CBL: variants seen among roughly 807,000 people sequenced by gnomAD.
CBL encodes the protein Cbl proto-oncogene, also known as E3 ubiquitin-protein ligase CBL.
A neutral mutation model predicts 96.9 loss-of-function variants in CBL; 45 were observed. The observed-to-expected ratio is 0.46, with a 90% CI of 0.37 to 0.60. CBL has a LOEUF of 0.60. Ranked by LOEUF, CBL falls within the 20% of genes least tolerant of loss-of-function variation. The pLI is 0.00. For missense variants in CBL, 1,024 were observed against 1,143.5 expected (o/e 0.90, Z 1.51); for synonymous variants, 420 against 426.8 (o/e 0.98, Z 0.20).
In CBL at chr11:119,306,513, C is replaced by A. The variant is rs140028176; in HGVS notation, c.*6732C>A. The A allele has an allele frequency of 1.4e-3, 573 of 397,044 alleles. 2 individuals carry two copies. Among genetic ancestry groups the A allele is most frequent in the Admixed American group, 3.0e-3 (68 of 22,672 alleles). The allele number at this position is 397,044 out of a possible 1,614,324, so 24.6% of individuals were successfully genotyped here. The stretch of plus-strand genomic sequence containing the variant: ...CAACTCCTCAGGCCTTGTGCCACCT[C>A]CATGCTGAGCCCTGAAGCAGGGTGT... On this transcript the variant is annotated 3_prime_UTR_variant, in exon 16 of 16. Transcript: ENST00000264033.
rs1950095189 is a variant in CBL at position 119,300,604 on chromosome 11, A to G, written c.*823A>G. The G allele has an allele frequency of 2.5e-6, 1 of 398,972 alleles. No homozygotes were observed. Among genetic ancestry groups the G allele is most frequent in the Non-Finnish European group, 4.4e-6 (1 of 226,088 alleles). The allele number at this position is 398,972 out of a possible 1,614,324, so 24.7% of individuals were successfully genotyped here. A position where few individuals can be genotyped will look rare whatever the true frequency, so the allele number is the denominator to read the frequency against. On this transcript the variant is annotated 3_prime_UTR_variant, in exon 16 of 16. Transcript: ENST00000264033. Reference sequence around the variant, plus strand: ...CTAGCAGCTAACACTGGTCACTCCAAAGCACTGTTTCTATAGGAACATTGA... The same window carrying G: ...CTAGCAGCTAACACTGGTCACTCCAGAGCACTGTTTCTATAGGAACATTGA...
At chr11:119,226,539 C>G (rs59748250) in intron 1 of CBL, among the ~76,000 whole-genome samples, 2,296 of 151,920 alleles carry the variant, frequency 0.015, 50 homozygotes, top group African/African-American at 0.052. Flanking sequence ...CTCACTGCAA[C>G]CTCCTCCTTC....
At chr11:119,226,397 T>G (rs1032834452) in intron 1 of CBL, among the ~76,000 whole-genome samples, 1 of 152,158 alleles carries the variant, frequency 6.6e-6, no homozygotes, top group Non-Finnish European at 1.5e-5. Context: ...TTTATGCAAA[T>G]TTTATTATGA....
Position 119,212,967 on chromosome 11 carries a change from C to T in CBL, c.195+6355C>T, listed in dbSNP as rs536572084. On this transcript the variant is annotated intron_variant, in intron 1 of 15. Transcript: ENST00000264033. Reference sequence around the variant, plus strand: ...CAGCCTGGGTGACAGAGCAAAACTCCGTCTCAAAAAAAAAGAAAAAAAAAA... The same window carrying T: ...CAGCCTGGGTGACAGAGCAAAACTCTGTCTCAAAAAAAAAGAAAAAAAAAA... Among the ~76,000 whole-genome samples, 82 of 118,916 alleles carry T rather than the reference C, an allele frequency of 6.9e-4. 1 individual carries two copies. The highest frequency in any genetic ancestry group is 3.0e-3 in the African/African-American group (79 of 26,510). 78.0% of individuals were successfully genotyped at this position (118,916 alleles called of 152,430 possible).
chr11:119,248,155 C>G (rs1342534564), intron 2 of CBL, among the ~76,000 whole-genome samples: 1 of 152,118 alleles, frequency 6.6e-6, no homozygotes, highest in Admixed American at 6.6e-5. Flanking sequence ...CTTAAGGGAC[C>G]TCAAATAGCC....
rs980388840 is a variant in CBL, at chr11:119,285,481, C to T, written c.1856C>T (p.Ser619Leu). The T allele has an allele frequency of 6.2e-7, 1 of 1,614,192 alleles. No individual in the cohort carries two copies. The highest frequency in any genetic ancestry group is 8.5e-7 in the Non-Finnish European group (1 of 1,180,022). ...GGAAGAGAATTAACCAACCGGCACT[C>T]ACTTCCATTTTCATTGCCCTCACAA... ...WTGRELTNRH[S>L]LPFSLPSQME... The change falls in exon 11 of 16, where the codon TCA becomes TTA. Residue 619 changes from serine (S) to leucine (L), a missense_variant. Ser to Leu is a moderately radical substitution (Grantham distance 145). This residue lies in a region of CBL where 695 missense variants were observed against 661.6 expected (regional missense o/e 1.05). Coordinates refer to ENST00000264033, the MANE Select transcript of CBL (RefSeq NM_005188.4).
chr11:119,245,724 C>T (rs1055682983), intron 2 of CBL, among the ~76,000 whole-genome samples: 1 of 151,906 alleles, frequency 6.6e-6, no homozygotes, highest in African/African-American at 2.4e-5. Flanking sequence ...AGCAAAACTC[C>T]GTCTCAAAAA....
At chr11:119,293,409 A>G (rs922728308) in intron 12 of CBL, among the ~76,000 whole-genome samples, 2 of 151,620 alleles carry the variant, frequency 1.3e-5, no homozygotes, top group Non-Finnish European at 2.9e-5. Flanking sequence ...TGCCCATCCC[A>G]TCTTCTTTTT....
chr11:119,245,954 A>ATTTTTTTT (rs1565863385), intron 2 of CBL, among the ~76,000 whole-genome samples: 1 of 90,970 alleles, frequency 1.1e-5, no homozygotes, highest in African/African-American at 3.9e-5. Context: ...TTCTTTGCAA[A>ATTTTTTTT]TCTTTTTTTT....
At chr11:119,280,514 C>A (rs1299657328) in intron 9 of CBL, among the ~76,000 whole-genome samples, 2 of 152,136 alleles carry the variant, frequency 1.3e-5, no homozygotes, top group Non-Finnish European at 2.9e-5. Flanking sequence ...TGTTTCTTCA[C>A]ATCCTGGTAG....
chr11:119,213,251 A>C (rs1002659360), intron 1 of CBL, among the ~76,000 whole-genome samples: 1 of 152,156 alleles, frequency 6.6e-6, no homozygotes, highest in Non-Finnish European at 1.5e-5. Flanking sequence ...TACACTTAGA[A>C]TTTGCAAATT....
At chr11:119,221,583 T>C (rs1565856649) in intron 1 of CBL, among the ~76,000 whole-genome samples, 1 of 151,762 alleles carries the variant, frequency 6.6e-6, no homozygotes, top group African/African-American at 2.4e-5. Flanking sequence ...CTGACCAATA[T>C]GGTGAAACCC....
chr11:119,225,136 C>G (rs948271305), intron 1 of CBL, among the ~76,000 whole-genome samples: 1 of 151,352 alleles, frequency 6.6e-6, no homozygotes, highest in African/African-American at 2.4e-5. Flanking sequence ...TGCTCTGTTG[C>G]CCAGGCTATG....
chr11:119,217,188 G>T lies in CBL; in HGVS notation c.195+10576G>T, dbSNP rs181525817. Among the ~76,000 whole-genome samples, 4 of 152,232 alleles carry T rather than the reference G, an allele frequency of 2.6e-5. No homozygotes were observed. The East Asian group carries it at 7.7e-4, about 29-fold the overall frequency. On this transcript the variant is annotated intron_variant, in intron 1 of 15. Coordinates refer to ENST00000264033, the MANE Select transcript of CBL (RefSeq NM_005188.4). The stretch of plus-strand genomic sequence containing the variant: ...GCTGGAGTGCAGTGGTGCAGTATTG[G>T]CTCACTGCAGCCTCCACCTCCTAGG...
chr11:119,215,094 T>G (rs1229071402), intron 1 of CBL, among the ~76,000 whole-genome samples: 1 of 152,118 alleles, frequency 6.6e-6, no homozygotes, highest in Non-Finnish European at 1.5e-5. Context: ...TTTCATGTAA[T>G]CAGCAGTAGG....
intron 2 of CBL, among the ~76,000 whole-genome samples, chr11:119,269,125 A>G (rs1388858680): frequency 6.6e-6 from 1 of 152,050 alleles, no homozygotes; most frequent in Non-Finnish European, 1.5e-5. Flanking sequence ...CATTTGTGAT[A>G]TATTCTTGAT....
At chr11:119,283,621 C>CTTTTTTTTTTTTTTTTTT (rs1410071154) in intron 9 of CBL, among the ~76,000 whole-genome samples, 1 of 36,496 alleles carries the variant, frequency 2.7e-5, no homozygotes, top group African/African-American at 8.5e-5. Flanking sequence ...CTTTTTAATT[C>CTTTTTTTTTTTTTTTTTT]TTTCTTTTTT....
intron 1 of CBL, among the ~76,000 whole-genome samples, chr11:119,221,240 C>T (rs1949408226): frequency 6.8e-6 from 1 of 147,736 alleles, no homozygotes; most frequent in Non-Finnish European, 1.5e-5. Context: ...GAGACTCCAT[C>T]TCAGAAAAAA....
At chr11:119,227,442 A>G (rs752645645) in intron 1 of CBL, among the ~76,000 whole-genome samples, 3 of 152,024 alleles carry the variant, frequency 2.0e-5, no homozygotes, top group Non-Finnish European at 4.4e-5. Flanking sequence ...TTTTTTCTCT[A>G]ATTTCAACTC....
Sources: gnomAD v4.1 joint callset for allele counts (sites outside exome capture counted in the v4.1 genomes callset) on GRCh38, gnomAD v4.1.1 for gene constraint, gnomAD v4.1.1 regional missense constraint, MANE v1.5 for transcripts, NCBI Gene and HGNC (gene_info 2026-07-23, HGNC 2026-07-21) for gene names.